SUPT3H: variants seen among roughly 807,000 people sequenced by gnomAD.
SUPT3H encodes the protein transcription initiation protein SPT3 homolog.
A neutral mutation model predicts 44.3 loss-of-function variants in SUPT3H; 44 were observed. The observed-to-expected ratio is 0.99, with a 90% CI of 0.78 to 1.28. The LOEUF (loss-of-function observed/expected upper bound fraction) is 1.28, where lower values mean the gene tolerates loss of function less well. SUPT3H is among the 50% of genes most tolerant of loss of function. The pLI is 0.00. For synonymous variants in SUPT3H, 124 were observed against 125.6 expected, an observed-to-expected ratio of 0.99 and a Z score of 0.09; for missense variants, 380 against 387.1, an observed-to-expected ratio of 0.98 and a Z score of 0.15.
At chr6:44,948,377 A>G (rs1773693294) in intron 9 of SUPT3H, among the ~76,000 whole-genome samples, 1 of 152,230 alleles carries the variant, frequency 6.6e-6, no homozygotes, top group African/African-American at 2.4e-5. Context: ...AACAGAAGCC[A>G]AAATTGACAA....
intron 2 of SUPT3H, among the ~76,000 whole-genome samples, chr6:45,285,349 G>A (rs549942541): frequency 6.4e-4 from 97 of 152,246 alleles, no homozygotes; most frequent in African/African-American, 1.9e-3. Flanking sequence ...AAACCCCACC[G>A]TCTCAGCCCA....
chr6:45,226,295 T>G (rs573129753), intron 2 of SUPT3H, among the ~76,000 whole-genome samples: 9 of 148,606 alleles, frequency 6.1e-5, no homozygotes, highest in African/African-American at 2.2e-4. Flanking sequence ...CTATACAATA[T>G]GACTCTAAGC....
chr6:45,189,541 T>G (rs1336276593), intron 2 of SUPT3H, among the ~76,000 whole-genome samples: 2 of 152,162 alleles, frequency 1.3e-5, no homozygotes, highest in Admixed American at 6.6e-5. Context: ...AACCATAAGA[T>G]GGGGTCTGAA....
At chr6:44,891,158 C>G (rs1264812812) in intron 10 of SUPT3H, among the ~76,000 whole-genome samples, 1 of 151,582 alleles carries the variant, frequency 6.6e-6, no homozygotes, top group East Asian at 1.9e-4. Flanking sequence ...CTTAAGAAGT[C>G]AAAAAAAGAA....
chr6:45,195,474 C>G (rs1210329105), intron 2 of SUPT3H, among the ~76,000 whole-genome samples: 1 of 152,134 alleles, frequency 6.6e-6, no homozygotes, highest in African/African-American at 2.4e-5. Context: ...TCATTTTTCA[C>G]TTGTGCCATA....
intron 2 of SUPT3H, among the ~76,000 whole-genome samples, chr6:45,123,376 T>C (rs2153580284): frequency 6.8e-6 from 1 of 147,392 alleles, no homozygotes; most frequent in South Asian, 2.1e-4. Context: ...ATTTATTTCT[T>C]TTTTTTTTTT....
intron 3 of SUPT3H, among the ~76,000 whole-genome samples, chr6:45,040,266 C>CTCAGA: frequency 6.6e-6 from 1 of 152,204 alleles, no homozygotes; most frequent in Non-Finnish European, 1.5e-5. Context: ...GCCCATGGGG[C>CTCAGA]TGTAGTTTGC....
intron 2 of SUPT3H, among the ~76,000 whole-genome samples, chr6:45,331,713 T>C (rs1231964374): frequency 6.6e-6 from 1 of 151,954 alleles, no homozygotes; most frequent in East Asian, 1.9e-4. Flanking sequence ...TGGAAAAAGA[T>C]CTGGCTGGTC....
intron 2 of SUPT3H, among the ~76,000 whole-genome samples, chr6:45,117,980 G>C (rs1014893388): frequency 6.6e-6 from 1 of 151,990 alleles, no homozygotes; most frequent in East Asian, 1.9e-4. Flanking sequence ...TTTTCAGTTT[G>C]TTCTCTAGAA....
intron 10 of SUPT3H, among the ~76,000 whole-genome samples, chr6:44,909,130 T>C (rs1041180334): frequency 9.6e-6 from 1 of 104,632 alleles, no homozygotes; most frequent in East Asian, 2.7e-4. Context: ...AAGAGGTGTG[T>C]GTGTGTGTGT....
At chr6:45,248,713 G>A (rs189214340) in intron 2 of SUPT3H, among the ~76,000 whole-genome samples, 365 of 152,138 alleles carry the variant, frequency 2.4e-3, no homozygotes, top group African/African-American at 8.0e-3. Flanking sequence ...TCAGGAGATC[G>A]AGACCACCCT....
chr6:45,214,977 A>C (rs1176146868), intron 2 of SUPT3H, among the ~76,000 whole-genome samples: 1 of 152,130 alleles, frequency 6.6e-6, no homozygotes, highest in Admixed American at 6.5e-5. Context: ...AGACCTGAGA[A>C]TCAACCTACC....
At chr6:45,093,516 C>A (rs1797407671) in intron 3 of SUPT3H, among the ~76,000 whole-genome samples, 1 of 151,904 alleles carries the variant, frequency 6.6e-6, no homozygotes, top group African/African-American at 2.4e-5. Flanking sequence ...GGGAAAGGAA[C>A]TGGAAAGAGG....
chr6:45,110,856 T>C (rs1350917290), intron 2 of SUPT3H, among the ~76,000 whole-genome samples: 2 of 152,184 alleles, frequency 1.3e-5, no homozygotes, highest in African/African-American at 4.8e-5. Flanking sequence ...CCAAACTCTT[T>C]TAATGGCATA....
chr6:45,363,779 T>C (rs939816987), intron 2 of SUPT3H, among the ~76,000 whole-genome samples: 1 of 152,094 alleles, frequency 6.6e-6, no homozygotes, highest in Non-Finnish European at 1.5e-5. Context: ...GTCAAATTTA[T>C]TGGCATCTCA....
chr6:45,372,816 G>A (rs1323579501), intron 1 of SUPT3H, among the ~76,000 whole-genome samples: 2 of 151,772 alleles, frequency 1.3e-5, no homozygotes, highest in African/African-American at 2.4e-5. Flanking sequence ...AAACCACCAA[G>A]CTCAGCTACA....
chr6:45,185,650 A>G (rs1814081729), intron 2 of SUPT3H, among the ~76,000 whole-genome samples: 1 of 152,210 alleles, frequency 6.6e-6, no homozygotes. Flanking sequence ...AAATTACATA[A>G]GCTTCCTCTG....
chr6:44,989,476 GC>G (rs1230480982), intron 6 of SUPT3H, among the ~76,000 whole-genome samples: 2 of 152,050 alleles, frequency 1.3e-5, no homozygotes, highest in African/African-American at 2.4e-5. Context: ...GGGAATGCAG[GC>G]ATCTCTTTGA....
At chr6:45,229,140 A>G (rs1482724798) in intron 2 of SUPT3H, among the ~76,000 whole-genome samples, 2 of 152,120 alleles carry the variant, frequency 1.3e-5, no homozygotes, top group Non-Finnish European at 2.9e-5. Flanking sequence ...AAAAATCATG[A>G]GTTTGGTAAA....
Sources: gnomAD v4.1 joint callset for allele counts (sites outside exome capture counted in the v4.1 genomes callset) on GRCh38, gnomAD v4.1.1 for gene constraint, MANE v1.5 for transcripts, NCBI Gene and HGNC (gene_info 2026-07-23, HGNC 2026-07-21) for gene names.